Variants in LNP1 observed in about 807,000 individuals in gnomAD.
LNP1 encodes leukemia NUP98 fusion partner 1.
LNP1 carries 12 observed loss-of-function variants against 14.5 expected under a neutral mutation model. The observed-to-expected ratio is 0.83, with a 90% CI of 0.53 to 1.34. The LOEUF (loss-of-function observed/expected upper bound fraction) is 1.34, where lower values mean the gene tolerates loss of function less well. Ranked by LOEUF, LNP1 falls within the 40% of genes most tolerant of loss-of-function variation. The pLI, the probability that LNP1 is intolerant of heterozygous loss-of-function variation, is 0.00. For synonymous variants in LNP1, 75 were observed against 71.4 expected (o/e 1.05, Z -0.26); for missense variants, 198 against 210.9 (o/e 0.94, Z 0.38).
In LNP1 at chr3:100,455,902, C is replaced by T. The variant is rs763287928; in HGVS notation, c.513C>T (p.Pro171=). ...KEEHGEAHMA[P]LFEKGPE is the part of the protein sequence containing the mutation. ...AGCATGGAGAAGCACACATGGCTCC[C>T]CTGTTTGAAAAAGGGCCTGAATAAT... The change falls in exon 4 of 4, where the codon CCC becomes CCT. Residue 171 remains proline, a synonymous_variant. Transcript: ENST00000383693. The T allele has an allele frequency of 8.1e-5, 130 of 1,611,106 alleles. No homozygotes were observed. In the Admixed American group the frequency reaches 2.2e-3, roughly 27 times the overall value.
intron 2 of LNP1, among the ~76,000 whole-genome samples, chr3:100,436,831 A>G (rs552925577): frequency 6.6e-6 from 1 of 152,280 alleles, no homozygotes; most frequent in South Asian, 2.1e-4. Context: ...TGAGTTCATG[A>G]GGGTGGGGTC....
At chr3:100,440,937 G>A (rs977904372) in intron 2 of LNP1, among the ~76,000 whole-genome samples, 3 of 152,184 alleles carry the variant, frequency 2.0e-5, no homozygotes, top group Non-Finnish European at 2.9e-5. Flanking sequence ...AGGATGATTA[G>A]CCATTAGAAA....
chr3:100,425,323 A>C (rs1330980488), intron 1 of LNP1, among the ~76,000 whole-genome samples: 1 of 152,228 alleles, frequency 6.6e-6, no homozygotes, highest in Non-Finnish European at 1.5e-5. Flanking sequence ...GCCTGAAGGC[A>C]GTTTGTTTCT....
At chr3:100,429,935 G>A in intron 2 of LNP1, 50 bp downstream of exon 2, 2 of 1,559,054 alleles carry the variant, frequency 1.3e-6, no homozygotes, top group Non-Finnish European at 1.7e-6. Context: ...AGGGGAGGGG[G>A]TTTCTCTTAG....
chr3:100,407,226 T>C (rs1196660971), intron 1 of LNP1, among the ~76,000 whole-genome samples: 1 of 152,248 alleles, frequency 6.6e-6, no homozygotes, highest in East Asian at 1.9e-4. Context: ...ATCATTAGTG[T>C]CCTTTCAGCT....
intron 2 of LNP1, among the ~76,000 whole-genome samples, chr3:100,438,403 C>T (rs1423976757): frequency 2.0e-5 from 3 of 152,148 alleles, no homozygotes; most frequent in Non-Finnish European, 2.9e-5. Flanking sequence ...GCATACCTCT[C>T]CCATGATTAA....
chr3:100,444,810 T>C (rs1310706741), intron 2 of LNP1, among the ~76,000 whole-genome samples: 1 of 152,236 alleles, frequency 6.6e-6, no homozygotes, highest in Non-Finnish European at 1.5e-5. Context: ...TTATAAACAA[T>C]CTATAAAATT....
chr3:100,432,520 C>A (rs1707252331), intron 2 of LNP1, among the ~76,000 whole-genome samples: 1 of 152,168 alleles, frequency 6.6e-6, no homozygotes, highest in African/African-American at 2.4e-5. Context: ...TTAGGTACAA[C>A]AAAGGGTAAA....
At position 100,402,340 on chromosome 3, in the gene LNP1, T is replaced by C. The variant is rs1339969093; in HGVS notation, c.-133T>C. 1.3e-5 allele frequency: 2 copies of C among 152,292 alleles called. No homozygotes were observed. The highest frequency in any genetic ancestry group is 6.8e-3 in the Middle Eastern group (2 of 294). The allele number at this position is 152,292 out of a possible 1,614,324, so 9.4% of individuals were successfully genotyped here. On this transcript the variant is annotated 5_prime_UTR_variant, in exon 1 of 4. Coordinates refer to ENST00000383693, the MANE Select transcript of LNP1 (RefSeq NM_001085451.2). ...CATCACAGTAGAGCTACATAAAGAT[T>C]GAAAGGAGATATTTTATCAAGTGGC...
intron 1 of LNP1, among the ~76,000 whole-genome samples, chr3:100,413,511 C>G (rs530637506): frequency 3.9e-4 from 59 of 152,338 alleles, no homozygotes; most frequent in African/African-American, 1.3e-3. Flanking sequence ...GCACTCATTT[C>G]CCACCTTTCT....
intron 1 of LNP1, among the ~76,000 whole-genome samples, chr3:100,416,644 T>TGC (rs1287841136): frequency 6.7e-6 from 1 of 149,920 alleles, no homozygotes; most frequent in Non-Finnish European, 1.5e-5. Flanking sequence ...TGTGTGTGTG[T>TGC]GTGGTGTTTT....
In LNP1 at chr3:100,453,620, TA is replaced by T. The variant is rs1182236501; in HGVS notation, c.387+1678del. ...AAAAAGAATTCCTGTTTTGTCTTTT[TA>T]AAAAAATACTTTTTGTTTTCATATT... On this transcript the variant is annotated intron_variant, in intron 3 of 3. Transcript: ENST00000383693. Among the ~76,000 whole-genome samples, 3 of 151,860 alleles carry T rather than the reference TA, an allele frequency of 2.0e-5. No homozygotes were observed. The East Asian group carries it at 5.8e-4, about 29-fold the overall frequency.
intron 3 of LNP1, among the ~76,000 whole-genome samples, chr3:100,453,416 A>T (rs1221724513): frequency 1.3e-5 from 2 of 150,516 alleles, no homozygotes; most frequent in African/African-American, 4.9e-5. Flanking sequence ...TCCTGTCTCT[A>T]CGAAAATTAA....
At chr3:100,431,324 TAATCTATGG>T (rs1707240106) in intron 2 of LNP1, among the ~76,000 whole-genome samples, 1 of 152,226 alleles carries the variant, frequency 6.6e-6, no homozygotes, top group Non-Finnish European at 1.5e-5. Flanking sequence ...GTGTTTGCCT[TAATCTATGG>T]AATCACAGCA....
At chr3:100,453,951 T>C (rs1198921427) in intron 3 of LNP1, among the ~76,000 whole-genome samples, 1 of 152,230 alleles carries the variant, frequency 6.6e-6, no homozygotes, top group Non-Finnish European at 1.5e-5. Flanking sequence ...CCGAGGTTCA[T>C]GTCCCTGTGC....
intron 1 of LNP1, among the ~76,000 whole-genome samples, chr3:100,406,052 G>A (rs1247753376): frequency 2.0e-5 from 3 of 152,152 alleles, no homozygotes; most frequent in African/African-American, 4.8e-5. Flanking sequence ...TTGGGAGGCC[G>A]AAGCGGGTGG....
chr3:100,423,395 C>T (rs1233057389), intron 1 of LNP1, among the ~76,000 whole-genome samples: 1 of 152,142 alleles, frequency 6.6e-6, no homozygotes, highest in Non-Finnish European at 1.5e-5. Flanking sequence ...TGGTGGCTCA[C>T]TCCTGTAATC....
intron 2 of LNP1, among the ~76,000 whole-genome samples, chr3:100,446,316 C>A (rs9872661): frequency 0.32 from 49,392 of 152,004 alleles, 8,420 homozygotes; most frequent in Middle Eastern, 0.43. Flanking sequence ...ACCATCTGAT[C>A]TTTGACAAAT....
intron 2 of LNP1, among the ~76,000 whole-genome samples, chr3:100,433,307 G>A (rs1189730817): frequency 6.6e-6 from 1 of 152,176 alleles, no homozygotes; most frequent in Admixed American, 6.5e-5. Context: ...TTGTGGGTGA[G>A]AACATGTGGT....
Sources: allele counts gnomAD v4.1 joint callset (sites outside exome capture counted in the v4.1 genomes callset), GRCh38; gene constraint gnomAD v4.1.1; transcripts MANE v1.5; gene names NCBI Gene and HGNC (gene_info 2026-07-23, HGNC 2026-07-21).